The following TAF1D variants were observed in gnomAD, a reference collection of about 807,000 sequenced individuals.
TAF1D encodes TATA-box binding protein associated factor, RNA polymerase I subunit D.
Under a neutral mutation model 26.2 loss-of-function variants are expected in TAF1D, and 23 were observed. The ratio of observed to expected loss-of-function variants is 0.88; its 90% CI spans 0.63 to 1.25. The LOEUF (loss-of-function observed/expected upper bound fraction) is 1.25, where lower values mean the gene tolerates loss of function less well. Among genes scored for constraint, TAF1D ranks in the 50% most tolerant of loss-of-function variants. The pLI is 0.00. For missense variants in TAF1D, 299 were observed against 322.0 expected (o/e 0.93, Z 0.55); for synonymous variants, 100 against 105.6 (o/e 0.95, Z 0.33).
downstream of TAF1D, chr11:93,731,463 T>C (rs1938774044): frequency 1.9e-6 from 1 of 515,852 alleles, no homozygotes; most frequent in African/African-American, 1.9e-5. Flanking sequence ...TTTGAGCTTT[T>C]ATAATCTTCT....
chr11:93,732,422 G>A (rs1939361763), downstream of TAF1D: 2 of 519,042 alleles, frequency 3.9e-6, no homozygotes, highest in Non-Finnish European at 7.7e-6. Context: ...AACGATGCCA[G>A]ATACTGAATT....
intron 2 of TAF1D, 80 bp downstream of exon 2, chr11:93,739,156 GA>G: frequency 1.7e-6 from 2 of 1,173,622 alleles, no homozygotes; most frequent in Non-Finnish European, 2.4e-6. Flanking sequence ...CCCAATTCCT[GA>G]AAATTATCTT....
chr11:93,736,674 GA>G lies in TAF1D; in HGVS notation c.693+19del, dbSNP rs745316144. ...CTCCTGCCTTCCCAAAATGGAATAGGAAAAAAATAAGTCACTTACTGCCAAT... is the reference window on the plus strand; with the variant it reads ...CTCCTGCCTTCCCAAAATGGAATAGGAAAAAATAAGTCACTTACTGCCAAT... On this transcript the variant is annotated intron_variant, in intron 5 of 5. Coordinates refer to ENST00000448108, the MANE Select transcript of TAF1D (RefSeq NM_024116.4). 6.2e-7 allele frequency: 1 copy of G among 1,607,820 alleles called. No homozygotes were observed. The highest frequency in any genetic ancestry group is 8.5e-7 in the Non-Finnish European group (1 of 1,178,092).
At chr11:93,733,295 C>T (rs370850401), downstream of TAF1D, 2 of 519,008 alleles carry the variant, frequency 3.9e-6, no homozygotes, top group African/African-American at 3.9e-5. Context: ...AATTCATCAT[C>T]TGAACTGTAA....
chr11:93,741,011 G>A (rs189330624), intron 1 of TAF1D, among the ~76,000 whole-genome samples: 1 of 152,212 alleles, frequency 6.6e-6, no homozygotes, highest in Non-Finnish European at 1.5e-5. Flanking sequence ...AAACCGGCGC[G>A]AGTAATGGGT....
intron 4 of TAF1D, 57 bp from the exon 5 acceptor site, chr11:93,736,808 G>A: frequency 2.6e-6 from 4 of 1,525,574 alleles, no homozygotes; most frequent in Non-Finnish European, 3.6e-6. Flanking sequence ...CTAATTAGTT[G>A]TATATTCCAC....
At chr11:93,731,555 C>T (rs199550773), downstream of TAF1D, 77 of 518,726 alleles carry the variant, frequency 1.5e-4, no homozygotes, top group Non-Finnish European at 2.4e-4. Flanking sequence ...TTGAACATTT[C>T]GCCCATCATC....
chr11:93,735,082 T>A (rs769821996), downstream of TAF1D: 1 of 1,315,186 alleles, frequency 7.6e-7, no homozygotes, highest in Non-Finnish European at 1.0e-6. Context: ...CTATCAATAC[T>A]CCCATCAATC....
At chr11:93,733,500 A>G (rs368688296), downstream of TAF1D, 8 of 518,894 alleles carry the variant, frequency 1.5e-5, no homozygotes, top group African/African-American at 1.2e-4. Context: ...AGATCTAACA[A>G]TAGTCCTGTG....
In TAF1D at chr11:93,736,146, ACATT is replaced by A. The variant is rs1940712320; in HGVS notation, c.*11_*14del. Reference sequence around the variant, plus strand: ...GTTTTTTCTATATGCTTCACCTTTGACATTCATGATCCTGTCACATTTTCAGGCC... The same window carrying A: ...GTTTTTTCTATATGCTTCACCTTTGACATGATCCTGTCACATTTTCAGGCC... On this transcript the variant is annotated 3_prime_UTR_variant, in exon 6 of 6. Coordinates refer to ENST00000448108, the MANE Select transcript of TAF1D (RefSeq NM_024116.4). 2 of 1,609,092 alleles carry A rather than the reference ACATT, an allele frequency of 1.2e-6. No individual in the cohort carries two copies. Among genetic ancestry groups the A allele is most frequent in the Middle Eastern group, 1.7e-4 (1 of 6,028 alleles).
At chr11:93,739,180 T>G in intron 2 of TAF1D, 57 bp downstream of exon 2, 1 of 1,349,098 alleles carries the variant, frequency 7.4e-7, no homozygotes. Flanking sequence ...CTGTCACTCA[T>G]TATATACAAT....
At chr11:93,740,634 G>A (rs1941781999) in intron 1 of TAF1D, among the ~76,000 whole-genome samples, 1 of 151,744 alleles carries the variant, frequency 6.6e-6, no homozygotes, top group East Asian at 1.9e-4. Context: ...AGGTCACCAA[G>A]AGCTCAGATT....
In TAF1D at chr11:93,738,387, C is replaced by T. The variant is rs1188650212; in HGVS notation, c.181G>A (p.Ala61Thr). 3.7e-6 allele frequency: 6 copies of T among 1,613,752 alleles called. No homozygotes were observed. The highest frequency in any genetic ancestry group is 4.2e-6 in the Non-Finnish European group (5 of 1,179,984). Residue 61 changes from alanine (A) to threonine (T), a missense_variant, in exon 3 of 6, where the codon GCA becomes ACA. Physicochemically the swap from Ala to Thr is moderately conservative, Grantham distance 58. Coordinates refer to ENST00000448108, the MANE Select transcript of TAF1D (RefSeq NM_024116.4). ...GATGAGTCACTTGATGAATCACTTG[C>T]GTGAACACTTTCAGGTGTACGAACA... ...KFVRTPESVH[A>T]SDSSSDSSFE...
chr11:93,733,459 T>G (rs768269504), downstream of TAF1D: 1 of 518,538 alleles, frequency 1.9e-6, no homozygotes. Flanking sequence ...TTTTTCAAAC[T>G]TTTAGCAACT....
At chr11:93,734,751 G>C, downstream of TAF1D, 3 of 1,284,078 alleles carry the variant, frequency 2.3e-6, no homozygotes, top group Non-Finnish European at 2.0e-6. Context: ...ATCCCATGCT[G>C]TTTATCTATT....
Position 93,736,078 on chromosome 11 carries a change from G to A in TAF1D, c.*83C>T. ...TTCAGAATTTCTTCACCACCAGACTGGTACATATATCCACATTTATCTTTA... is the reference window on the plus strand; with the variant it reads ...TTCAGAATTTCTTCACCACCAGACTAGTACATATATCCACATTTATCTTTA... On this transcript the variant is annotated 3_prime_UTR_variant, in exon 6 of 6. Coordinates refer to ENST00000448108, the MANE Select transcript of TAF1D (RefSeq NM_024116.4). The A allele has an allele frequency of 1.3e-6, 2 of 1,578,334 alleles. No individual in the cohort carries two copies. The highest frequency in any genetic ancestry group is 1.7e-6 in the Non-Finnish European group (2 of 1,169,202).
At chr11:93,732,415 G>A (rs1277079104), downstream of TAF1D, 5 of 518,906 alleles carry the variant, frequency 9.6e-6, no homozygotes, top group African/African-American at 3.9e-5. Flanking sequence ...GAAAACCAAC[G>A]ATGCCAGATA....
chr11:93,732,587 G>A (rs537007532), downstream of TAF1D: 6 of 399,470 alleles, frequency 1.5e-5, no homozygotes, highest in African/African-American at 1.0e-4. Flanking sequence ...CCTTTAACAA[G>A]TACAATAATT....
At chr11:93,731,596 AT>A (rs762262146), downstream of TAF1D, 2 of 518,458 alleles carry the variant, frequency 3.9e-6, no homozygotes, top group Non-Finnish European at 7.7e-6. Context: ...GTTTAAACAC[AT>A]AATAACGTAA....
Sources: gnomAD v4.1 joint callset for allele counts (sites outside exome capture counted in the v4.1 genomes callset) on GRCh38, gnomAD v4.1.1 for gene constraint, MANE v1.5 for transcripts, NCBI Gene and HGNC (gene_info 2026-07-23, HGNC 2026-07-21) for gene names.